The following PPP4R1 variants were observed in gnomAD, a reference collection of about 807,000 sequenced individuals.
The protein encoded by PPP4R1 is serine/threonine-protein phosphatase 4 regulatory subunit 1.
PPP4R1 carries 42 observed loss-of-function variants against 111.2 expected under a neutral mutation model. The ratio of observed to expected loss-of-function variants is 0.38; its 90% confidence interval spans 0.29 to 0.49. The LOEUF is 0.49. PPP4R1 is among the 20% of genes least tolerant of loss of function. PPP4R1 has a pLI of 0.97. For missense variants in PPP4R1, 1,012 were observed against 1,161.6 expected (o/e 0.87, Z 1.87); for synonymous variants, 409 against 405.5 (o/e 1.01, Z -0.10).
intron 15 of PPP4R1, among the ~76,000 whole-genome samples, chr18:9,555,989 C>CAA (rs1304972803): frequency 1.3e-5 from 1 of 75,148 alleles, no homozygotes; most frequent in African/African-American, 4.5e-5. Flanking sequence ...AACAAACAAA[C>CAA]AAACAAACAA....
In PPP4R1 at chr18:9,581,962, T is replaced by C. The variant is rs531742000; in HGVS notation, c.918+1155A>G. Among the ~76,000 whole-genome samples the C allele has an allele frequency of 2.4e-4, 36 of 152,176 alleles. 1 individual carries two copies. In the Middle Eastern group the frequency reaches 0.024, roughly 101 times the overall value. ...CATTAAGTAAAGCTGTCTTTCAAAA[T>C]TGAAGGTGAAATAAGGACATTCACA... On this transcript the variant is annotated intron_variant, in intron 9 of 19. Transcript: ENST00000400556.
At chr18:9,600,196 CAAAAAAA>C (rs57840721) in intron 2 of PPP4R1, among the ~76,000 whole-genome samples, 1 of 109,282 alleles carries the variant, frequency 9.2e-6, no homozygotes, top group Admixed American at 9.8e-5. Flanking sequence ...TTCTATTTCC[CAAAAAAA>C]AAAAAAAAAA....
chr18:9,559,198 C>T (rs2066634817), intron 14 of PPP4R1, among the ~76,000 whole-genome samples: 1 of 152,170 alleles, frequency 6.6e-6, no homozygotes, highest in South Asian at 2.1e-4. Flanking sequence ...AATGTGATAA[C>T]AATTTCTAAT....
rs2066836932 is a variant in PPP4R1, at chr18:9,570,188, T to C, written c.1542A>G (p.Leu514=). Residue 514 remains leucine (L), a synonymous_variant, in exon 11 of 20, where the codon CTA becomes CTG. Transcript: ENST00000400556. Reference sequence around the variant, plus strand: ...CATCTGGATCATCAATGTGGGGCTCTAGATTTTCTATCATTTCTTCCAGTT... The same window carrying C: ...CATCTGGATCATCAATGTGGGGCTCCAGATTTTCTATCATTTCTTCCAGTT... ...RKELEEMIEN[L]EPHIDDPDVK... is the part of the protein sequence containing the mutation. 3.9e-6 allele frequency: 6 copies of C among 1,540,084 alleles called. No homozygotes were observed. The highest frequency in any genetic ancestry group is 2.2e-5 in the Admixed American group (1 of 45,710).
chr18:9,614,101 G>T lies in PPP4R1; in HGVS notation c.52+125C>A. 2.4e-6 allele frequency: 2 copies of T among 846,962 alleles called. No individual in the cohort carries two copies. Among genetic ancestry groups the T allele is most frequent in the Non-Finnish European group, 3.1e-6 (2 of 654,578 alleles). 52.5% of individuals were successfully genotyped at this position (846,962 alleles called of 1,614,324 possible). On this transcript the variant is annotated intron_variant, in intron 2 of 19. Transcript: ENST00000400556. The surrounding 1 kb of genome is among the most constrained non-coding windows in gnomAD (Gnocchi z 4.1). ...TCCCCCCCGATCGCCACCCCAGCCC[G>T]CCTGGGGCCGCCCTCGCCCACCGTC...
intron 19 of PPP4R1, 139 bp downstream of exon 19, chr18:9,549,058 G>A (rs574237058): frequency 1.3e-4 from 149 of 1,114,008 alleles, no homozygotes; most frequent in Admixed American, 1.6e-4. Flanking sequence ...GAGAATCACC[G>A]GAACAACTAA....
At chr18:9,609,364 A>G (rs1357514283) in intron 2 of PPP4R1, among the ~76,000 whole-genome samples, 1 of 147,908 alleles carries the variant, frequency 6.8e-6, no homozygotes, top group Non-Finnish European at 1.5e-5. Flanking sequence ...CAGCCCCAAT[A>G]TTTTGCTCCT....
At chr18:9,593,593 T>C (rs994756995) in intron 4 of PPP4R1, among the ~76,000 whole-genome samples, 175 bp downstream of exon 4, 2 of 152,236 alleles carry the variant, frequency 1.3e-5, no homozygotes, top group African/African-American at 4.8e-5. Context: ...CTGTAAAATG[T>C]CCAGGTCTCA....
intron 16 of PPP4R1, chr18:9,551,518 T>C (rs546839511): frequency 5.2e-5 from 8 of 152,388 alleles, no homozygotes; most frequent in African/African-American, 1.9e-4. Context: ...CTGCCTCCCA[T>C]GGGTGCTTCA....
intron 2 of PPP4R1, among the ~76,000 whole-genome samples, chr18:9,612,922 G>A (rs1262410319): frequency 2.0e-5 from 3 of 152,122 alleles, no homozygotes; most frequent in Admixed American, 2.0e-4. Context: ...ACTCGTTTCA[G>A]ATAATCCATC....
In PPP4R1 at chr18:9,588,781, G is replaced by A. The variant is rs372800214; in HGVS notation, c.368C>T (p.Ser123Leu). The change falls in exon 5 of 20, where the codon TCA becomes TTA. Residue 123 changes from serine to leucine, a missense_variant. Ser to Leu is a moderately radical substitution (Grantham distance 145, BLOSUM62 -2). Coordinates refer to ENST00000400556, the MANE Select transcript of PPP4R1 (RefSeq NM_001042388.3). ...IALFCQENRPSIPYAFSKFLL... is the reference protein window; with the variant it reads ...IALFCQENRPLIPYAFSKFLL... ...GAATTTTGAAAAAGCATATGGTATT[G>A]AAGGCCGGTTTTCTTGACAAAACAG... 12 of 1,614,018 alleles carry A rather than the reference G, an allele frequency of 7.4e-6. No homozygotes were observed. Among genetic ancestry groups the A allele is most frequent in the Non-Finnish European group, 9.3e-6 (11 of 1,179,924 alleles).
chr18:9,577,851 C>T (rs1049581979), intron 9 of PPP4R1, among the ~76,000 whole-genome samples: 30 of 152,192 alleles, frequency 2.0e-4, no homozygotes, highest in African/African-American at 7.0e-4. Flanking sequence ...AAGAGTGCCA[C>T]AAAGAACATA....
Position 9,554,147 on chromosome 18 carries a change from A to T in PPP4R1, c.2191-725T>A, listed in dbSNP as rs1286252365. 3.9e-4 allele frequency among the ~76,000 whole-genome samples: 53 copies of T among 134,550 alleles called. 1 individual carries two copies. Among genetic ancestry groups the T allele is most frequent in the Admixed American group, 7.6e-4 (10 of 13,086 alleles). 88.3% of individuals were successfully genotyped at this position (134,550 alleles called of 152,430 possible). On this transcript the variant is annotated intron_variant, in intron 15 of 19. Transcript: ENST00000400556. ...AACTAATTTTTTTTTTTTTTTTTTG[A>T]GACAGTGTCTCACTCTGTGGTCCAG...
At chr18:9,594,802 ATTT>A in intron 3 of PPP4R1, 3 of 396,920 alleles carry the variant, frequency 7.6e-6, no homozygotes, top group Non-Finnish European at 1.3e-5. Flanking sequence ...ATTAATGGTA[ATTT>A]TTTTTTTTGC....
chr18:9,547,667 T>C lies in PPP4R1; in HGVS notation c.*122A>G. 1 of 1,231,136 alleles carries C rather than the reference T, an allele frequency of 8.1e-7. No individual in the cohort carries two copies. Among genetic ancestry groups the C allele is most frequent in the South Asian group, 1.4e-5 (1 of 71,644 alleles). 76.3% of individuals were successfully genotyped at this position (1,231,136 alleles called of 1,614,324 possible). On this transcript the variant is annotated 3_prime_UTR_variant, in exon 20 of 20. Coordinates refer to ENST00000400556, the MANE Select transcript of PPP4R1 (RefSeq NM_001042388.3). Reference sequence around the variant, plus strand: ...GGGTGTAGGCAACTTGCACCTGCAATGAAGTCCGCAGGAGAGGAAGGTCTC... The same window carrying C: ...GGGTGTAGGCAACTTGCACCTGCAACGAAGTCCGCAGGAGAGGAAGGTCTC...
intron 2 of PPP4R1, among the ~76,000 whole-genome samples, chr18:9,607,309 C>A (rs62088904): frequency 0.16 from 23,737 of 149,694 alleles, 2,503 homozygotes; most frequent in African/African-American, 0.3. Flanking sequence ...TGCAGTGAGC[C>A]AAGATAGTGC....
At chr18:9,550,767 T>C (rs2066476442) in intron 16 of PPP4R1, 1 of 183,522 alleles carries the variant, frequency 5.4e-6, no homozygotes, top group Admixed American at 5.5e-5. Context: ...AGTTTCTCAG[T>C]AAGAAGTCCC....
chr18:9,572,110 A>T (rs2066871939), intron 10 of PPP4R1, among the ~76,000 whole-genome samples: 1 of 152,180 alleles, frequency 6.6e-6, no homozygotes, highest in Admixed American at 6.5e-5. Flanking sequence ...GTTTCACAAG[A>T]AAGCTAACAG....
Position 9,577,093 on chromosome 18 carries a change from T to G in PPP4R1, c.1017A>C (p.Ser339=). The G allele has an allele frequency of 6.3e-7, 1 of 1,588,304 alleles. No individual in the cohort carries two copies. The highest frequency in any genetic ancestry group is 8.6e-7 in the Non-Finnish European group (1 of 1,166,240). Residue 339 remains serine, a synonymous_variant, in exon 10 of 20, where the codon TCA becomes TCC. Coordinates refer to ENST00000400556, the MANE Select transcript of PPP4R1 (RefSeq NM_001042388.3). ...TTTTGTTTTCTACTGACATCTCTTC[T>G]GAACTTTTGCTTTCTTCTTTAAAAT... ...GQYFKEESKS[S]EEMSVENKNR...
Sources: gnomAD v4.1 joint callset for allele counts (sites outside exome capture counted in the v4.1 genomes callset) on GRCh38, gnomAD v4.1.1 for gene constraint, Gnocchi (gnomAD v3.1) non-coding constraint, MANE v1.5 for transcripts, NCBI Gene and HGNC (gene_info 2026-07-23, HGNC 2026-07-21) for gene names.